Variants in SNX25 observed in about 807,000 individuals in gnomAD.
SNX25 encodes sorting nexin-25.
SNX25 carries 62 observed loss-of-function variants against 113.7 expected under a neutral mutation model. The ratio of observed to expected loss-of-function variants is 0.55; its 90% CI spans 0.44 to 0.67. The LOEUF (loss-of-function observed/expected upper bound fraction) is 0.67. Ranked by LOEUF, SNX25 falls within the 30% of genes least tolerant of loss-of-function variation. SNX25 has a pLI of 0.00. For missense variants in SNX25, 1,014 were observed against 1,161.0 expected, an observed-to-expected ratio of 0.87 and a Z score of 1.84; for synonymous variants, 421 against 436.2, an observed-to-expected ratio of 0.97 and a Z score of 0.43.
chr4:185,248,273 G>A (rs990597357), intron 2 of SNX25, among the ~76,000 whole-genome samples: 1 of 152,104 alleles, frequency 6.6e-6, no homozygotes, highest in African/African-American at 2.4e-5. Flanking sequence ...TTAAAATTTG[G>A]CAATTATTCA....
At chr4:185,220,480 G>T in intron 1 of SNX25, among the ~76,000 whole-genome samples, 1 of 129,054 alleles carries the variant, frequency 7.7e-6, no homozygotes. Flanking sequence ...CCACAACTGA[G>T]TCCCTTTTTT....
chr4:185,290,053 T>G (rs1177175970), intron 6 of SNX25, among the ~76,000 whole-genome samples: 1 of 152,200 alleles, frequency 6.6e-6, no homozygotes, highest in Non-Finnish European at 1.5e-5. Flanking sequence ...ATTGTCCTTC[T>G]TTTGTACCTG....
intron 10 of SNX25, among the ~76,000 whole-genome samples, chr4:185,336,294 C>CA (rs1019866552): frequency 2.6e-5 from 4 of 152,120 alleles, no homozygotes; most frequent in African/African-American, 9.7e-5. Flanking sequence ...ACATTGTACC[C>CA]AGTGTGTAGT....
intron 7 of SNX25, among the ~76,000 whole-genome samples, chr4:185,314,324 C>CAAAAA (rs35324892): frequency 5.3e-5 from 4 of 75,306 alleles, no homozygotes; most frequent in Admixed American, 3.5e-4. Context: ...CCCCTCTCTA[C>CAAAAA]AAAAAAAAAA....
intron 5 of SNX25, among the ~76,000 whole-genome samples, chr4:185,276,259 A>T (rs1579580817): frequency 6.6e-6 from 1 of 152,194 alleles, no homozygotes; most frequent in African/African-American, 2.4e-5. Context: ...AACTCAAGAT[A>T]TGGCACATTT....
chr4:185,234,229 G>A (rs926949687), intron 1 of SNX25, among the ~76,000 whole-genome samples: 6 of 152,058 alleles, frequency 3.9e-5, no homozygotes, highest in African/African-American at 1.4e-4. Context: ...TTGCCTTTGT[G>A]TTAATACTTA....
chr4:185,353,317 T>C (rs2095324679), intron 14 of SNX25, 168 bp from the exon 15 acceptor site: 1 of 530,642 alleles, frequency 1.9e-6, no homozygotes, highest in South Asian at 3.5e-5. Context: ...AATCAAGCTT[T>C]TCTGAATCTG....
At position 185,236,189 on chromosome 4, in the gene SNX25, A is replaced by C. The variant is rs1289383606; in HGVS notation, c.430-11105A>C. Among the ~76,000 whole-genome samples, 26 of 152,176 alleles carry C rather than the reference A, an allele frequency of 1.7e-4. 1 individual carries two copies. Among genetic ancestry groups the C allele is most frequent in the Admixed American group, 1.7e-3 (26 of 15,280 alleles). ...TGCCTTCAGCTTTATTCTCTCCCGAAGTTTTGCAAAACCTCCTGGCCTTCC... is the reference window on the plus strand; with the variant it reads ...TGCCTTCAGCTTTATTCTCTCCCGACGTTTTGCAAAACCTCCTGGCCTTCC... On this transcript the variant is annotated intron_variant, in intron 1 of 18. Coordinates refer to ENST00000652585, the MANE Select transcript of SNX25 (RefSeq NM_001378034.2).
At chr4:185,213,313 G>T (rs1738231232) in intron 1 of SNX25, among the ~76,000 whole-genome samples, 1 of 152,166 alleles carries the variant, frequency 6.6e-6, no homozygotes, top group Admixed American at 6.5e-5. Context: ...GATTTACTTG[G>T]ATGAGAATCA....
chr4:185,356,254 T>C (rs1457749064), intron 15 of SNX25, among the ~76,000 whole-genome samples: 1 of 152,102 alleles, frequency 6.6e-6, no homozygotes, highest in Non-Finnish European at 1.5e-5. Context: ...AAATGAGTTT[T>C]GGTTTCTGCT....
chr4:185,267,678 C>T (rs551853263), intron 5 of SNX25, among the ~76,000 whole-genome samples: 4 of 151,528 alleles, frequency 2.6e-5, no homozygotes, highest in Non-Finnish European at 4.4e-5. Flanking sequence ...TTGCAGTGAG[C>T]TGAGATCACA....
intron 13 of SNX25, among the ~76,000 whole-genome samples, chr4:185,349,243 A>C (rs2095303695): frequency 6.6e-6 from 1 of 152,196 alleles, no homozygotes; most frequent in Non-Finnish European, 1.5e-5. Flanking sequence ...ATTGGGCTGC[A>C]TGTAGCCCGC....
chr4:185,350,677 A>G (rs2095310587), intron 13 of SNX25, among the ~76,000 whole-genome samples: 1 of 152,176 alleles, frequency 6.6e-6, no homozygotes, highest in African/African-American at 2.4e-5. Flanking sequence ...CCTGGCCAAT[A>G]TGGTGAAACC....
At chr4:185,365,137 T>C (rs1200507449), downstream of SNX25, 2 of 152,068 alleles carry the variant, frequency 1.3e-5, no homozygotes, top group African/African-American at 4.8e-5. Flanking sequence ...AGTGGTAGTT[T>C]GCAGGGACTC....
At chr4:185,261,946 G>A (rs555369289) in intron 3 of SNX25, among the ~76,000 whole-genome samples, 1 of 152,282 alleles carries the variant, frequency 6.6e-6, no homozygotes, top group African/African-American at 2.4e-5. Context: ...AATATTGTCT[G>A]TGTAGCATCT....
chr4:185,365,944 C>T (rs2095386781), downstream of SNX25: 2 of 152,150 alleles, frequency 1.3e-5, no homozygotes, highest in South Asian at 4.1e-4. Flanking sequence ...AGAGCAAATA[C>T]TTTTCTGCCA....
At chr4:185,309,369 A>G (rs1754925294) in intron 6 of SNX25, among the ~76,000 whole-genome samples, 1 of 152,214 alleles carries the variant, frequency 6.6e-6, no homozygotes, top group Non-Finnish European at 1.5e-5. Context: ...AGAAAAGGAA[A>G]CATATTCTAC....
chr4:185,319,193 CTTTTT>C (rs143650995), intron 7 of SNX25, among the ~76,000 whole-genome samples: 2 of 85,970 alleles, frequency 2.3e-5, no homozygotes, highest in African/African-American at 1.2e-4. Context: ...TGAGAAAGTC[CTTTTT>C]TTTTTTTTTT....
chr4:185,286,226 C>T (rs1448657881), intron 5 of SNX25, among the ~76,000 whole-genome samples: 1 of 152,160 alleles, frequency 6.6e-6, no homozygotes, highest in Non-Finnish European at 1.5e-5. Context: ...ATTGATCCTT[C>T]TGCCTCAGCC....
Sources: gnomAD v4.1 joint callset for allele counts (sites outside exome capture counted in the v4.1 genomes callset) on GRCh38, gnomAD v4.1.1 for gene constraint, MANE v1.5 for transcripts, NCBI Gene and HGNC (gene_info 2026-07-23, HGNC 2026-07-21) for gene names.